The following DLGAP1 variants were observed in gnomAD, a reference collection of about 807,000 sequenced individuals.
DLGAP1 encodes disks large-associated protein 1.
In DLGAP1, 11 loss-of-function variants were observed where a neutral mutation model predicts 90.8. The observed-to-expected ratio is 0.12, with a 90% CI of 0.08 to 0.20. The LOEUF is 0.20. Ranked by LOEUF, DLGAP1 falls within the 10% of genes least tolerant of loss-of-function variation. The pLI, the probability that DLGAP1 is intolerant of heterozygous loss-of-function variation, is 1.00. For synonymous variants in DLGAP1, 558 were observed against 540.7 expected (o/e 1.03, Z -0.44); for missense variants, 1,050 against 1,333.8 (o/e 0.79, Z 3.31).
intron 8 of DLGAP1, 88 bp downstream of exon 8, chr18:3,581,787 A>G: frequency 6.5e-7 from 1 of 1,541,022 alleles, no homozygotes; most frequent in Non-Finnish European, 8.8e-7. Flanking sequence ...TCCAAGCGGC[A>G]AGAAAGCAAA....
chr18:3,601,018 A>G (rs1343571455), intron 7 of DLGAP1, among the ~76,000 whole-genome samples: 3 of 142,498 alleles, frequency 2.1e-5, no homozygotes, highest in African/African-American at 2.7e-5. Flanking sequence ...AGATAGATAT[A>G]TAGATATATA....
At chr18:4,390,859 T>G (rs914163448) in intron 1 of DLGAP1, among the ~76,000 whole-genome samples, 3 of 152,154 alleles carry the variant, frequency 2.0e-5, no homozygotes, top group African/African-American at 7.2e-5. Flanking sequence ...TTTAACACTG[T>G]TTTTCACGGT....
rs73380581 is a variant in DLGAP1 at position 4,050,029 on chromosome 18, G to T, written c.-158-44828C>A. Reference sequence around the variant, plus strand: ...TTGCCAGCCTCTGTGCTTAGTGGTAGAGAAACAATGGTTTCTAAGACAGAT... The same window carrying T: ...TTGCCAGCCTCTGTGCTTAGTGGTATAGAAACAATGGTTTCTAAGACAGAT... On this transcript the variant is annotated intron_variant, in intron 2 of 12. Coordinates refer to ENST00000315677, the MANE Select transcript of DLGAP1 (RefSeq NM_004746.4). 4.4e-3 allele frequency among the ~76,000 whole-genome samples: 663 copies of T among 152,266 alleles called. 5 individuals carry two copies. Among genetic ancestry groups the T allele is most frequent in the African/African-American group, 0.015 (633 of 41,550 alleles).
At chr18:3,530,109 T>C (rs551087673) in intron 10 of DLGAP1, among the ~76,000 whole-genome samples, 12 of 152,248 alleles carry the variant, frequency 7.9e-5, no homozygotes, top group African/African-American at 2.6e-4. Flanking sequence ...AAGAGTCCTG[T>C]TGAAAGCCAG....
intron 6 of DLGAP1, among the ~76,000 whole-genome samples, chr18:3,731,466 G>A (rs539469967): frequency 6.6e-6 from 1 of 152,014 alleles, no homozygotes; most frequent in Non-Finnish European, 1.5e-5. Context: ...CTGTCACCCA[G>A]GGTGGAGTGC....
At chr18:3,978,294 C>T (rs921028168) in intron 3 of DLGAP1, 7 of 402,346 alleles carry the variant, frequency 1.7e-5, no homozygotes, top group East Asian at 1.3e-4. Flanking sequence ...TGAGCCTCAG[C>T]CTTCTCCATG....
intron 9 of DLGAP1, among the ~76,000 whole-genome samples, chr18:3,542,730 CA>C (rs1201065883): frequency 1.3e-5 from 2 of 152,212 alleles, no homozygotes; most frequent in African/African-American, 4.8e-5. Context: ...CTCCCCTTAA[CA>C]CTTTCAGTTG....
intron 10 of DLGAP1, among the ~76,000 whole-genome samples, chr18:3,523,579 G>T (rs1414743258): frequency 6.6e-6 from 1 of 151,938 alleles, no homozygotes; most frequent in East Asian, 1.9e-4. Flanking sequence ...CAGGTGCGGT[G>T]GCTCACGCCT....
intron 4 of DLGAP1, among the ~76,000 whole-genome samples, chr18:3,840,418 A>G (rs1334873566): frequency 6.6e-6 from 1 of 152,112 alleles, no homozygotes; most frequent in African/African-American, 2.4e-5. Context: ...CCCTTTCTCC[A>G]TCTTCACAAC....
intron 1 of DLGAP1, among the ~76,000 whole-genome samples, chr18:4,280,418 G>A (rs2079521838): frequency 6.6e-6 from 1 of 152,150 alleles, no homozygotes; most frequent in Non-Finnish European, 1.5e-5. Context: ...AGCACAGAGT[G>A]AATAAATTAC....
intron 3 of DLGAP1, among the ~76,000 whole-genome samples, chr18:3,991,631 C>A (rs1172438112): frequency 6.6e-6 from 1 of 152,182 alleles, no homozygotes; most frequent in Non-Finnish European, 1.5e-5. Context: ...TTGCCCTTCT[C>A]CCTTCTCCCC....
intron 5 of DLGAP1, among the ~76,000 whole-genome samples, chr18:3,750,017 G>T (rs1484610900): frequency 2.0e-5 from 3 of 152,104 alleles, no homozygotes; most frequent in African/African-American, 7.2e-5. Context: ...TTTGCTACAT[G>T]AATATATTGT....
chr18:4,136,687 G>A (rs184140008), intron 2 of DLGAP1, among the ~76,000 whole-genome samples: 1 of 152,178 alleles, frequency 6.6e-6, no homozygotes, highest in African/African-American at 2.4e-5. Flanking sequence ...CATTCTGTGG[G>A]TTGTCTCTTC....
At chr18:4,126,437 C>T (rs1048612675) in intron 2 of DLGAP1, among the ~76,000 whole-genome samples, 11 of 152,300 alleles carry the variant, frequency 7.2e-5, no homozygotes, top group African/African-American at 2.6e-4. Context: ...TGCACAAATG[C>T]ACAGTTTAAA....
intron 9 of DLGAP1, among the ~76,000 whole-genome samples, chr18:3,545,438 A>G (rs1429604481): frequency 1.3e-5 from 2 of 152,250 alleles, no homozygotes; most frequent in Non-Finnish European, 2.9e-5. Flanking sequence ...ACCCAAACAT[A>G]TCAACAGTCA....
chr18:4,329,746 T>TA (rs1433752933), intron 1 of DLGAP1, among the ~76,000 whole-genome samples: 1 of 152,062 alleles, frequency 6.6e-6, no homozygotes, highest in Non-Finnish European at 1.5e-5. Context: ...CATGCTATTA[T>TA]AAATTCCATT....
Position 3,639,854 on chromosome 18 carries a change from A to C in DLGAP1, c.1592-57606T>G, listed in dbSNP as rs1324738433. 8.2e-5 allele frequency among the ~76,000 whole-genome samples: 11 copies of C among 134,030 alleles called. 1 individual carries two copies. The highest frequency in any genetic ancestry group is 3.2e-4 in the African/African-American group (11 of 33,944). The allele number at this position is 134,030 out of a possible 152,430, so 87.9% of individuals were successfully genotyped here. A position where few individuals can be genotyped will look rare whatever the true frequency, so the allele number is the denominator to read the frequency against. The stretch of plus-strand genomic sequence containing the variant: ...ACTGCAAGCTCCGCCTCCTGGGTTC[A>C]CGCCATTCTCCTGCCTCAGCCTTCG... On this transcript the variant is annotated intron_variant, in intron 7 of 12. Transcript: ENST00000315677.
chr18:4,012,842 G>A (rs187328960), intron 2 of DLGAP1, among the ~76,000 whole-genome samples: 51 of 151,940 alleles, frequency 3.4e-4, no homozygotes, highest in African/African-American at 1.2e-3. Context: ...GGGACCACAG[G>A]CATGCGCCAC....
rs2076858744 is a variant in DLGAP1, at chr18:4,162,238, G to A, written c.-266-10951C>T. ...ATAGGCAGAAGAGCTTATTAGTAGA[G>A]TTACAGTTTTGTGCATATACTCAAA... On this transcript the variant is annotated intron_variant, in intron 1 of 12. Coordinates refer to ENST00000315677, the MANE Select transcript of DLGAP1 (RefSeq NM_004746.4). 2.6e-5 allele frequency among the ~76,000 whole-genome samples: 4 copies of A among 152,198 alleles called. No individual in the cohort carries two copies. In the South Asian group the frequency reaches 8.3e-4, roughly 32 times the overall value.
Sources: gnomAD v4.1 joint callset for allele counts (sites outside exome capture counted in the v4.1 genomes callset) on GRCh38, gnomAD v4.1.1 for gene constraint, MANE v1.5 for transcripts, NCBI Gene and HGNC (gene_info 2026-07-23, HGNC 2026-07-21) for gene names.